CC2D2B: variants seen among roughly 807,000 people sequenced by gnomAD.
CC2D2B encodes the protein coiled-coil and C2 domain containing 2B, also known as protein CC2D2B.
Under a neutral mutation model 161.2 loss-of-function variants are expected in CC2D2B, and 128 were observed. The observed-to-expected ratio is 0.79, with a 90% CI of 0.69 to 0.92. The LOEUF is 0.92. Ranked by LOEUF, CC2D2B falls within the 40% of genes least tolerant of loss-of-function variation. The pLI is 0.00. For synonymous variants in CC2D2B, 391 were observed against 449.8 expected (o/e 0.87, Z 1.65); for missense variants, 1,173 against 1,375.1 (o/e 0.85, Z 2.32).
intron 14 of CC2D2B, 63 bp downstream of exon 14, chr10:95,966,365 T>C (rs1229948832): frequency 8.0e-6 from 5 of 625,442 alleles, no homozygotes; most frequent in Non-Finnish European, 1.1e-5. Context: ...TTGTTTTTAA[T>C]AATAAAGTGG....
chr10:96,008,747 T>C (rs2078864562), intron 25 of CC2D2B, among the ~76,000 whole-genome samples: 1 of 152,118 alleles, frequency 6.6e-6, no homozygotes, highest in Non-Finnish European at 1.5e-5. Context: ...TAAAATTGGG[T>C]TATTTTCTTA....
Position 95,949,889 on chromosome 10 carries a change from T to G in CC2D2B, c.802-7T>G. 3 of 398,686 alleles carry G rather than the reference T, an allele frequency of 7.5e-6. No individual in the cohort carries two copies. Among genetic ancestry groups the G allele is most frequent in the Non-Finnish European group, 1.3e-5 (3 of 225,896 alleles). The allele number at this position is 398,686 out of a possible 1,614,324, so 24.7% of individuals were successfully genotyped here. A position where few individuals can be genotyped will look rare whatever the true frequency, so the allele number is the denominator to read the frequency against. The stretch of plus-strand genomic sequence containing the variant: ...ATTAACATTGTGCACTTATTTTTCT[T>G]TAAAAGGCAGTAAAATATGACCTGG... On this transcript the variant is annotated splice_region_variant and splice_polypyrimidine_tract_variant and intron_variant, in intron 9 of 34. Coordinates refer to ENST00000646931, the MANE Select transcript of CC2D2B (RefSeq NM_001349008.3).
At chr10:96,003,586 T>TTGTGTATG (rs2078613839) in intron 24 of CC2D2B, among the ~76,000 whole-genome samples, 1 of 127,654 alleles carries the variant, frequency 7.8e-6, no homozygotes, top group African/African-American at 3.1e-5. Flanking sequence ...GCCCGGCTAA[T>TTGTGTATG]TGTGTGTGTG....
intron 11 of CC2D2B, among the ~76,000 whole-genome samples, chr10:95,957,917 G>A (rs868229482): frequency 1.3e-5 from 2 of 150,938 alleles, no homozygotes; most frequent in African/African-American, 4.9e-5. Flanking sequence ...TGGGAAAGGA[G>A]GACAATGTGA....
rs1293387192 is a variant in CC2D2B at position 96,019,258 on chromosome 10, C to G, written c.3686C>G (p.Pro1229Arg). 6.8e-6 allele frequency: 11 copies of G among 1,612,408 alleles called. No homozygotes were observed. The highest frequency in any genetic ancestry group is 9.3e-6 in the Non-Finnish European group (11 of 1,179,080). ...QETNEYLLWN[P>R]STGQCYKQFD... ...ACTAATGAATATTTGCTTTGGAATCCATCAACTGGCCAATGTTATAAGCAG... is the reference window on the plus strand; with the variant it reads ...ACTAATGAATATTTGCTTTGGAATCGATCAACTGGCCAATGTTATAAGCAG... The change falls in exon 31 of 35, where the codon CCA becomes CGA. Residue 1229 changes from proline to arginine, a missense_variant. Pro to Arg is a moderately radical substitution (Grantham distance 103). Around this residue, in one of 3 missense-constraint regions of CC2D2B, gnomAD observed 598 missense variants for 693.2 expected, o/e 0.86. Transcript: ENST00000646931.
chr10:95,956,753 G>T (rs2076579760), intron 11 of CC2D2B, among the ~76,000 whole-genome samples: 1 of 152,100 alleles, frequency 6.6e-6, no homozygotes, highest in Admixed American at 6.6e-5. Context: ...CATAGTATTT[G>T]CATATAACTT....
intron 21 of CC2D2B, among the ~76,000 whole-genome samples, chr10:95,992,280 T>A (rs1432351138): frequency 6.6e-6 from 1 of 152,208 alleles, no homozygotes; most frequent in Admixed American, 6.5e-5. Context: ...TCCACGTATC[T>A]GTTTGGACCA....
intron 6 of CC2D2B, 47 bp from the exon 7 acceptor site, chr10:95,937,944 A>C (rs2075885070): frequency 3.6e-6 from 4 of 1,120,976 alleles, no homozygotes; most frequent in Non-Finnish European, 5.2e-6. Flanking sequence ...CATATTAATC[A>C]TTGGAGACAA....
chr10:95,980,193 G>A (rs116060890), intron 17 of CC2D2B, among the ~76,000 whole-genome samples: 286 of 144,724 alleles, frequency 2.0e-3, no homozygotes, highest in African/African-American at 6.8e-3. Flanking sequence ...AAGGAAGGAA[G>A]AGAGGAAGGG....
chr10:95,941,425 A>G (rs1201495474), intron 9 of CC2D2B, among the ~76,000 whole-genome samples: 1 of 152,170 alleles, frequency 6.6e-6, no homozygotes, highest in Non-Finnish European at 1.5e-5. Flanking sequence ...ATGGGAGAAA[A>G]TATTTGCAAA....
intron 5 of CC2D2B, among the ~76,000 whole-genome samples, chr10:95,926,848 C>CTGTGTG (rs1209292988): frequency 0.016 from 1,756 of 106,830 alleles, 15 homozygotes; most frequent in African/African-American, 0.028. Context: ...GTGTGTGTGT[C>CTGTGTG]TGTGTGTGTG....
At chr10:95,990,674 A>AT (rs2077917447) in intron 20 of CC2D2B, among the ~76,000 whole-genome samples, 1 of 152,168 alleles carries the variant, frequency 6.6e-6, no homozygotes, top group African/African-American at 2.4e-5. Flanking sequence ...TCTCGATTAC[A>AT]TTGTCTCCAG....
intron 12 of CC2D2B, among the ~76,000 whole-genome samples, chr10:95,964,339 CAGTT>C (rs2076868265): frequency 6.6e-6 from 1 of 152,064 alleles, no homozygotes; most frequent in South Asian, 2.1e-4. Context: ...AGATTGAAAT[CAGTT>C]AGGAATTTCT....
At chr10:96,015,460 TTTG>T (rs1405104753) in intron 29 of CC2D2B, among the ~76,000 whole-genome samples, 1 of 103,888 alleles carries the variant, frequency 9.6e-6, no homozygotes, top group Non-Finnish European at 2.0e-5. Flanking sequence ...TTTGCTAGAG[TTTG>T]TTTTTGTTTT....
chr10:96,029,262 A>G (rs867803317), intron 34 of CC2D2B, among the ~76,000 whole-genome samples: 39 of 61,582 alleles, frequency 6.3e-4, no homozygotes, highest in African/African-American at 3.0e-3. Context: ...ATATATATAT[A>G]TATATATATA....
chr10:95,913,058 C>G (rs1460895723), intron 2 of CC2D2B, among the ~76,000 whole-genome samples: 1 of 151,966 alleles, frequency 6.6e-6, no homozygotes, highest in Non-Finnish European at 1.5e-5. Context: ...AATACTAGAT[C>G]GTATTCATTG....
chr10:95,940,254 C>G (rs2075976173), intron 9 of CC2D2B, among the ~76,000 whole-genome samples: 1 of 152,074 alleles, frequency 6.6e-6, no homozygotes, highest in African/African-American at 2.4e-5. Flanking sequence ...CATGAAGGAC[C>G]CACCCCCATG....
At chr10:95,959,636 A>G (rs1038865317) in intron 11 of CC2D2B, among the ~76,000 whole-genome samples, 1 of 152,158 alleles carries the variant, frequency 6.6e-6, no homozygotes, top group Non-Finnish European at 1.5e-5. Flanking sequence ...CATTATAACC[A>G]AATTTGGTTA....
At chr10:95,960,182 T>G (rs1252983228) in intron 11 of CC2D2B, among the ~76,000 whole-genome samples, 1 of 152,176 alleles carries the variant, frequency 6.6e-6, no homozygotes, top group African/African-American at 2.4e-5. Flanking sequence ...TATCTTGCTA[T>G]CCTTTCTACT....
Sources: gnomAD v4.1 joint callset for allele counts (sites outside exome capture counted in the v4.1 genomes callset) on GRCh38, gnomAD v4.1.1 for gene constraint, gnomAD v4.1.1 regional missense constraint, MANE v1.5 for transcripts, NCBI Gene and HGNC (gene_info 2026-07-23, HGNC 2026-07-21) for gene names.